ECT2L: variants seen among roughly 807,000 people sequenced by gnomAD.
ECT2L encodes epithelial cell transforming 2 like.
ECT2L carries 126 observed loss-of-function variants against 122.8 expected under a neutral mutation model. The ratio of observed to expected loss-of-function variants is 1.03; its 90% CI spans 0.89 to 1.19. ECT2L has a LOEUF of 1.19. Ranked by LOEUF, ECT2L falls within the 50% of genes most tolerant of loss-of-function variation. The probability of loss-of-function intolerance (pLI) is 0.00; values close to 1 mark genes in which losing one functional copy is unlikely to be tolerated. For synonymous variants in ECT2L, 385 were observed against 381.8 expected, an observed-to-expected ratio of 1.01 and a Z score of -0.10; for missense variants, 1,012 against 1,064.1, an observed-to-expected ratio of 0.95 and a Z score of 0.68.
chr6:138,883,900 T>A (rs180761064), intron 16 of ECT2L, among the ~76,000 whole-genome samples: 3 of 152,322 alleles, frequency 2.0e-5, no homozygotes, highest in Admixed American at 2.0e-4. Flanking sequence ...TCTCCCTCTG[T>A]CACCTAGGCT....
chr6:138,827,287 G>GGTTA (rs986572525), intron 4 of ECT2L, among the ~76,000 whole-genome samples: 1 of 152,110 alleles, frequency 6.6e-6, no homozygotes, highest in African/African-American at 2.4e-5. Context: ...GGTGGAGGTT[G>GGTTA]TAGTGAGCTG....
Position 138,886,811 on chromosome 6 carries a change from A to T in ECT2L, c.2260-46A>T. 4 of 1,345,906 alleles carry T rather than the reference A, an allele frequency of 3.0e-6. No homozygotes were observed. In the South Asian group the frequency reaches 4.8e-5, roughly 16 times the overall value. 83.4% of individuals were successfully genotyped at this position (1,345,906 alleles called of 1,614,324 possible). A position where few individuals can be genotyped will look rare whatever the true frequency, so the allele number is the denominator to read the frequency against. On this transcript the variant is annotated intron_variant, in intron 18 of 21. Coordinates refer to ENST00000541398, the MANE Select transcript of ECT2L (RefSeq NM_001077706.3). ...TTTAATCTATTTCTTTTATGAATAA[A>T]AATGTCACAATTTTAGTTTGCCTAA...
rs189085542 is a variant in ECT2L, at chr6:138,842,703, C to T, written c.343-276C>T. 8.6e-3 allele frequency among the ~76,000 whole-genome samples: 1,307 copies of T among 151,962 alleles called. 22 individuals carry two copies. The highest frequency in any genetic ancestry group is 0.03 in the African/African-American group (1,237 of 41,404). Reference sequence around the variant, plus strand: ...AGGAGAATGGCATGAACCCGGGAGGCGGAGCTTGCAATGAGCCGAGCTCGT... The same window carrying T: ...AGGAGAATGGCATGAACCCGGGAGGTGGAGCTTGCAATGAGCCGAGCTCGT... On this transcript the variant is annotated intron_variant, in intron 5 of 21. Transcript: ENST00000541398.
At chr6:138,840,301 T>C (rs775045020) in intron 5 of ECT2L, among the ~76,000 whole-genome samples, 15 of 152,146 alleles carry the variant, frequency 9.9e-5, no homozygotes, top group Non-Finnish European at 1.3e-4. Flanking sequence ...AACCCAAACA[T>C]AGATAACACA....
chr6:138,808,752 T>C (rs1775794592), intron 1 of ECT2L, among the ~76,000 whole-genome samples: 1 of 149,230 alleles, frequency 6.7e-6, no homozygotes, highest in South Asian at 2.1e-4. Context: ...TTTGAGACAG[T>C]GTCTCACCTT....
intron 20 of ECT2L, among the ~76,000 whole-genome samples, chr6:138,899,786 T>G (rs1779336112): frequency 6.6e-6 from 1 of 151,610 alleles, no homozygotes; most frequent in Non-Finnish European, 1.5e-5. Flanking sequence ...AACATTTAGT[T>G]TGCTTCACTT....
intron 20 of ECT2L, among the ~76,000 whole-genome samples, chr6:138,899,072 G>T (rs1457167337): frequency 6.6e-6 from 1 of 151,794 alleles, no homozygotes; most frequent in Non-Finnish European, 1.5e-5. Context: ...CTCAGGAATT[G>T]TATCTGACAG....
At chr6:138,850,575 C>T (rs1470382757) in intron 9 of ECT2L, among the ~76,000 whole-genome samples, 1 of 152,200 alleles carries the variant, frequency 6.6e-6, no homozygotes, top group African/African-American at 2.4e-5. Context: ...GTTGCTTCCA[C>T]TTCTATTGTG....
At chr6:138,851,482 C>CTTTTT (rs56921189) in intron 9 of ECT2L, among the ~76,000 whole-genome samples, 1 of 109,620 alleles carries the variant, frequency 9.1e-6, no homozygotes, top group Non-Finnish European at 1.8e-5. Flanking sequence ...TGTGCCTAGC[C>CTTTTT]TTTTTTTTTT....
intron 4 of ECT2L, among the ~76,000 whole-genome samples, chr6:138,831,019 T>C (rs1776631954): frequency 6.6e-6 from 1 of 152,248 alleles, no homozygotes; most frequent in African/African-American, 2.4e-5. Context: ...TGTCCAAGTA[T>C]ATACAATCGT....
At chr6:138,874,260 A>G (rs1372616540) in intron 13 of ECT2L, among the ~76,000 whole-genome samples, 1 of 152,112 alleles carries the variant, frequency 6.6e-6, no homozygotes, top group East Asian at 1.9e-4. Flanking sequence ...TATGTCCCGC[A>G]GAGCCAAGGC....
intron 19 of ECT2L, among the ~76,000 whole-genome samples, chr6:138,888,467 C>T (rs1382652790): frequency 8.0e-6 from 1 of 124,232 alleles, no homozygotes; most frequent in Non-Finnish European, 1.8e-5. Flanking sequence ...TGCACCACCA[C>T]ACCTGGCTAA....
chr6:138,811,475 T>C (rs1775891984), intron 1 of ECT2L, among the ~76,000 whole-genome samples: 1 of 152,156 alleles, frequency 6.6e-6, no homozygotes, highest in African/African-American at 2.4e-5. Flanking sequence ...ACCCCCATTA[T>C]TATTGTATTT....
chr6:138,884,457 G>A (rs1029485611), intron 16 of ECT2L, among the ~76,000 whole-genome samples: 11 of 152,020 alleles, frequency 7.2e-5, no homozygotes, highest in African/African-American at 2.7e-4. Flanking sequence ...GGCCAACATG[G>A]TGAAACCCCG....
chr6:138,796,667 A>G (rs1775356388), intron 1 of ECT2L, among the ~76,000 whole-genome samples: 1 of 152,238 alleles, frequency 6.6e-6, no homozygotes, highest in Admixed American at 6.5e-5. Context: ...TCTTGGTTAT[A>G]AGGATAGCTC....
rs1220396160 is a variant in ECT2L, at chr6:138,818,615, A to C, written c.179+4012A>C. ...GAAGACAGTAAGGCGGACGTTACTG[A>C]GAACCTTGGAGATAGCTACAGGGAC... On this transcript the variant is annotated intron_variant, in intron 4 of 21. Coordinates refer to ENST00000541398, the MANE Select transcript of ECT2L (RefSeq NM_001077706.3). Among the ~76,000 whole-genome samples, 3 of 152,232 alleles carry C rather than the reference A, an allele frequency of 2.0e-5. No individual in the cohort carries two copies. The East Asian group carries it at 5.8e-4, about 29-fold the overall frequency.
At chr6:138,865,288 C>A in intron 12 of ECT2L, 110 bp downstream of exon 12, 1 of 1,087,014 alleles carries the variant, frequency 9.2e-7, no homozygotes. Context: ...TTGAACATCT[C>A]CAGTAAAATT....
chr6:138,844,150 T>C (rs1583581561), intron 6 of ECT2L, among the ~76,000 whole-genome samples: 1 of 152,220 alleles, frequency 6.6e-6, no homozygotes, highest in Non-Finnish European at 1.5e-5. Flanking sequence ...CACCTATCAA[T>C]TGATTAACTG....
chr6:138,823,265 G>T, intron 4 of ECT2L: 2 of 1,567,694 alleles, frequency 1.3e-6, no homozygotes, highest in Non-Finnish European at 1.7e-6. Flanking sequence ...TACCCCAGCT[G>T]GTTTTTTATA....
Sources: gnomAD v4.1 joint callset for allele counts (sites outside exome capture counted in the v4.1 genomes callset) on GRCh38, gnomAD v4.1.1 for gene constraint, MANE v1.5 for transcripts, NCBI Gene and HGNC (gene_info 2026-07-23, HGNC 2026-07-21) for gene names.